RASAL2: variants seen among roughly 807,000 people sequenced by gnomAD.
RASAL2 encodes the protein RAS protein activator like 2, also known as ras GTPase-activating protein nGAP.
RASAL2 carries 58 observed loss-of-function variants against 128.9 expected under a neutral mutation model. The ratio of observed to expected loss-of-function variants is 0.45; its 90% CI spans 0.36 to 0.56. The LOEUF (loss-of-function observed/expected upper bound fraction) is 0.56, where lower values mean the gene tolerates loss of function less well. Among genes scored for constraint, RASAL2 ranks in the 20% least tolerant of loss-of-function variants. RASAL2 has a pLI of 0.00. For missense variants in RASAL2, 1,360 were observed against 1,601.6 expected (o/e 0.85, Z 2.57); for synonymous variants, 561 against 580.8 (o/e 0.97, Z 0.49).
chr1:178,301,660 C>T lies in RASAL2; in HGVS notation c.457+1542C>T, dbSNP rs1228126339. Among the ~76,000 whole-genome samples the T allele has an allele frequency of 5.3e-5, 8 of 152,064 alleles. No individual in the cohort carries two copies. In the South Asian group the frequency reaches 8.3e-4, roughly 16 times the overall value. On this transcript the variant is annotated intron_variant, in intron 3 of 17. Coordinates refer to ENST00000367649, the MANE Select transcript of RASAL2 (RefSeq NM_170692.4). The stretch of plus-strand genomic sequence containing the variant: ...GTTGGCCAGGCTGGTCTCAAACTCC[C>T]GACCACTGATGATCTGCCCTCCTCA...
At chr1:178,224,029 A>G (rs1387936114) in intron 1 of RASAL2, among the ~76,000 whole-genome samples, 3 of 152,188 alleles carry the variant, frequency 2.0e-5, no homozygotes, top group Non-Finnish European at 4.4e-5. Context: ...ATGTTGCTCA[A>G]AGAAGACAAA....
chr1:178,473,142 A>T lies in RASAL2; in HGVS notation c.3746A>T (p.Glu1249Val). ...RLMSALTQVK[E>V]RYSMQVRNGI... ...ATGAGCGCGCTGACCCAAGTGAAGGAGCGGTACAGCATGCAGGTCCGCAAT... is the reference window on the plus strand; with the variant it reads ...ATGAGCGCGCTGACCCAAGTGAAGGTGCGGTACAGCATGCAGGTCCGCAAT... The change falls in exon 18 of 18, where the codon GAG becomes GTG. Residue 1249 changes from glutamate (E) to valine (V), a missense_variant. By Grantham distance (121) the Glu-to-Val change is moderately radical. Around this residue, in one of 3 missense-constraint regions of RASAL2, gnomAD observed 741 missense variants for 868.6 expected, o/e 0.85. Coordinates refer to ENST00000367649, the MANE Select transcript of RASAL2 (RefSeq NM_170692.4). 1.2e-6 allele frequency: 2 copies of T among 1,614,170 alleles called. No individual in the cohort carries two copies. Among genetic ancestry groups the T allele is most frequent in the Non-Finnish European group, 1.7e-6 (2 of 1,180,022 alleles).
intron 3 of RASAL2, among the ~76,000 whole-genome samples, chr1:178,321,951 G>A (rs1288093496): frequency 6.6e-6 from 1 of 150,934 alleles, no homozygotes; most frequent in African/African-American, 2.4e-5. Flanking sequence ...TCGCGCCATT[G>A]CACTCCAGCC....
At position 178,112,021 on chromosome 1, in the gene RASAL2, T is replaced by C. The variant is rs1659342082; in HGVS notation, c.202+17327T>C. The stretch of plus-strand genomic sequence containing the variant: ...TGGAATTACAGATGTGAGCTACCGC[T>C]CCTGGCCTCTTTTGTCAATTTTAAA... On this transcript the variant is annotated intron_variant, in intron 1 of 17. Transcript: ENST00000367649. Among the ~76,000 whole-genome samples the C allele has an allele frequency of 1.3e-5, 2 of 152,162 alleles. 1 individual carries two copies. The highest frequency in any genetic ancestry group is 4.1e-4 in the South Asian group (2 of 4,830).
chr1:178,470,815 C>G, intron 17 of RASAL2: 1 of 1,062,292 alleles, frequency 9.4e-7, no homozygotes, highest in Non-Finnish European at 1.3e-6. Flanking sequence ...CCTGCCACTC[C>G]CCACATGGGA....
At position 178,452,448 on chromosome 1, in the gene RASAL2, C is replaced by T. The variant is rs1224096637; in HGVS notation, c.1805C>T (p.Ala602Val). The change falls in exon 11 of 18, where the codon GCA becomes GTA. Residue 602 changes from alanine (A) to valine (V), a missense_variant. This residue lies in a region of RASAL2 where 741 missense variants were observed against 868.6 expected (regional missense o/e 0.85). Transcript: ENST00000367649. Reference sequence around the variant, plus strand: ...CCTCGTGAGTTGAAAGAAGTGTTTGCATCATGGAAGCAGCAGTGCCTGAAC... The same window carrying T: ...CCTCGTGAGTTGAAAGAAGTGTTTGTATCATGGAAGCAGCAGTGCCTGAAC... ...VFPRELKEVF[A>V]SWKQQCLNRG... 4 of 1,614,054 alleles carry T rather than the reference C, an allele frequency of 2.5e-6. No homozygotes were observed. The highest frequency in any genetic ancestry group is 3.4e-6 in the Non-Finnish European group (4 of 1,179,950).
chr1:178,303,516 A>C (rs1667860327), intron 3 of RASAL2, among the ~76,000 whole-genome samples: 1 of 150,208 alleles, frequency 6.7e-6, no homozygotes, highest in Non-Finnish European at 1.5e-5. Flanking sequence ...AAGTTTAAGA[A>C]TTTGTGTTGG....
intron 2 of RASAL2, among the ~76,000 whole-genome samples, chr1:178,296,732 G>T (rs1407613812): frequency 6.7e-6 from 1 of 149,008 alleles, no homozygotes; most frequent in Non-Finnish European, 1.5e-5. Flanking sequence ...GAGTGCAGTG[G>T]CACAGTCTCG....
chr1:178,293,186 A>T lies in RASAL2; in HGVS notation c.331-6806A>T, dbSNP rs1667354818. On this transcript the variant is annotated intron_variant, in intron 2 of 17. Transcript: ENST00000367649. ...TTCTTTCCTCTTTCTCCCCCGTAACAAATTTAGTGGTAAAAATAAGACAAT... is the reference window on the plus strand; with the variant it reads ...TTCTTTCCTCTTTCTCCCCCGTAACTAATTTAGTGGTAAAAATAAGACAAT... Among the ~76,000 whole-genome samples, 2 of 152,220 alleles carry T rather than the reference A, an allele frequency of 1.3e-5. 1 individual carries two copies. The highest frequency in any genetic ancestry group is 1.3e-4 in the Admixed American group (2 of 15,274).
intron 4 of RASAL2, among the ~76,000 whole-genome samples, chr1:178,410,518 T>C (rs575346126): frequency 1.3e-5 from 2 of 151,884 alleles, no homozygotes; most frequent in Non-Finnish European, 2.9e-5. Flanking sequence ...TAAAGATAAA[T>C]AGATGGAACC....
At chr1:178,398,144 G>T (rs1673367653) in intron 4 of RASAL2, among the ~76,000 whole-genome samples, 1 of 151,600 alleles carries the variant, frequency 6.6e-6, no homozygotes, top group Non-Finnish European at 1.5e-5. Flanking sequence ...AATCGTTTCT[G>T]ATACTTTGCA....
chr1:178,259,980 T>C (rs1665587546), intron 1 of RASAL2, among the ~76,000 whole-genome samples: 1 of 152,106 alleles, frequency 6.6e-6, no homozygotes, highest in Non-Finnish European at 1.5e-5. Flanking sequence ...AATCTTTTAT[T>C]TTAGACCTAA....
intron 1 of RASAL2, among the ~76,000 whole-genome samples, chr1:178,251,228 A>G (rs1299079773): frequency 6.6e-6 from 1 of 152,224 alleles, no homozygotes; most frequent in Non-Finnish European, 1.5e-5. Context: ...CGTAAAGAAA[A>G]TGATGGAAAA....
At chr1:178,428,697 C>T (rs930965116) in intron 5 of RASAL2, among the ~76,000 whole-genome samples, 3 of 152,100 alleles carry the variant, frequency 2.0e-5, no homozygotes, top group African/African-American at 7.2e-5. Flanking sequence ...TCAAGTAATC[C>T]TCCTGCCTTA....
chr1:178,399,540 C>T (rs561593635), intron 4 of RASAL2, among the ~76,000 whole-genome samples: 6 of 152,180 alleles, frequency 3.9e-5, no homozygotes, highest in Admixed American at 6.5e-5. Flanking sequence ...AGCCAGTGGA[C>T]GCCCACTGCT....
chr1:178,379,220 A>T lies in RASAL2; in HGVS notation c.458-10880A>T, dbSNP rs555765859. Among the ~76,000 whole-genome samples the T allele has an allele frequency of 4.6e-5, 7 of 152,302 alleles. No individual in the cohort carries two copies. The South Asian group carries it at 1.5e-3, about 32-fold the overall frequency. On this transcript the variant is annotated intron_variant, in intron 3 of 17. Coordinates refer to ENST00000367649, the MANE Select transcript of RASAL2 (RefSeq NM_170692.4). ...GTAATTAGGCCTGTGACCTGTAACC[A>T]TTAAAGAAACAGAGGCTAGACACAG...
chr1:178,340,896 A>T (rs992742105), intron 3 of RASAL2, among the ~76,000 whole-genome samples: 4 of 152,018 alleles, frequency 2.6e-5, no homozygotes, highest in Admixed American at 6.5e-5. Context: ...AATATTTTTT[A>T]AAAATAACTT....
chr1:178,164,821 G>A (rs1044622155), intron 1 of RASAL2, among the ~76,000 whole-genome samples: 3 of 113,046 alleles, frequency 2.7e-5, no homozygotes, highest in Non-Finnish European at 5.5e-5. Context: ...TTCATCAAAC[G>A]TTTGTGTGTG....
chr1:178,164,484 TGTGTGTGTGTGTGTGTGTGTGC>T (rs993452051), intron 1 of RASAL2, among the ~76,000 whole-genome samples: 16 of 142,540 alleles, frequency 1.1e-4, no homozygotes, highest in African/African-American at 3.1e-4. Context: ...TTAGCATTTG[TGTGTGTGTGTGTGTGTGTGTGC>T]GTGTGTGTGT....
Sources: gnomAD v4.1 joint callset for allele counts (sites outside exome capture counted in the v4.1 genomes callset) on GRCh38, gnomAD v4.1.1 for gene constraint, gnomAD v4.1.1 regional missense constraint, MANE v1.5 for transcripts, NCBI Gene and HGNC (gene_info 2026-07-23, HGNC 2026-07-21) for gene names.